TMEM132D: variants seen among roughly 807,000 people sequenced by gnomAD.
TMEM132D encodes mature OL transmembrane protein.
In TMEM132D, 21 loss-of-function variants were observed where a neutral mutation model predicts 62.3. The observed-to-expected ratio is 0.34, with a 90% CI of 0.24 to 0.49. TMEM132D has a LOEUF of 0.49. Ranked by LOEUF, TMEM132D falls within the 20% of genes least tolerant of loss-of-function variation. The pLI is 0.99. For synonymous variants in TMEM132D, 621 were observed against 575.6 expected (o/e 1.08, Z -1.13); for missense variants, 1,346 against 1,402.8 (o/e 0.96, Z 0.65).
intron 3 of TMEM132D, among the ~76,000 whole-genome samples, chr12:129,438,204 G>A (rs113783486): frequency 0.015 from 2,335 of 152,186 alleles, 62 homozygotes; most frequent in African/African-American, 0.052. Flanking sequence ...ATAAACATAC[G>A]TGTGCATGTG....
chr12:129,504,535 A>G (rs1436467296), intron 3 of TMEM132D, among the ~76,000 whole-genome samples: 3 of 152,058 alleles, frequency 2.0e-5, no homozygotes, highest in African/African-American at 4.8e-5. Context: ...AGTAGCCTTG[A>G]ATTATTTTTT....
At chr12:129,825,572 C>T (rs909238786) in intron 1 of TMEM132D, among the ~76,000 whole-genome samples, 2 of 152,210 alleles carry the variant, frequency 1.3e-5, no homozygotes, top group Non-Finnish European at 2.9e-5. Flanking sequence ...CACCTGCACT[C>T]TCCCAAGCCC....
chr12:129,498,693 C>T (rs1283411947), intron 3 of TMEM132D, among the ~76,000 whole-genome samples: 1 of 152,064 alleles, frequency 6.6e-6, no homozygotes, highest in African/African-American at 2.4e-5. Flanking sequence ...TGAAATATTC[C>T]GCTTGGTGTA....
intron 1 of TMEM132D, among the ~76,000 whole-genome samples, chr12:129,784,186 C>T (rs1871197011): frequency 6.6e-6 from 1 of 152,172 alleles, no homozygotes; most frequent in Non-Finnish European, 1.5e-5. Context: ...GGCCATCCCC[C>T]CGTGAGACCA....
intron 3 of TMEM132D, among the ~76,000 whole-genome samples, chr12:129,442,301 C>T (rs117808823): frequency 0.018 from 2,742 of 152,230 alleles, 41 homozygotes; most frequent in Non-Finnish European, 0.027. Flanking sequence ...ATGTGAGCAC[C>T]GTGCGGGCAA....
chr12:129,780,346 G>T (rs927014089), intron 1 of TMEM132D, among the ~76,000 whole-genome samples: 2 of 151,662 alleles, frequency 1.3e-5, no homozygotes, highest in Non-Finnish European at 2.9e-5. Context: ...GGGAGGGGGG[G>T]GGCCGGGGGG....
At chr12:129,884,270 C>T (rs1167026916) in intron 1 of TMEM132D, among the ~76,000 whole-genome samples, 1 of 152,126 alleles carries the variant, frequency 6.6e-6, no homozygotes, top group African/African-American at 2.4e-5. Context: ...AACTGGATGT[C>T]TTCTAAATAA....
intron 5 of TMEM132D, among the ~76,000 whole-genome samples, chr12:129,115,631 A>G (rs972604254): frequency 8.5e-5 from 13 of 152,224 alleles, no homozygotes; most frequent in African/African-American, 2.7e-4. Flanking sequence ...CAGAATAAAA[A>G]AGGACAGGGA....
At chr12:129,185,110 C>A (rs930344338) in intron 5 of TMEM132D, among the ~76,000 whole-genome samples, 1 of 152,182 alleles carries the variant, frequency 6.6e-6, no homozygotes, top group Non-Finnish European at 1.5e-5. Context: ...CTGAATTAAA[C>A]TTGCTGCTGA....
At chr12:129,603,207 T>C (rs916826503) in intron 2 of TMEM132D, among the ~76,000 whole-genome samples, 7 of 152,226 alleles carry the variant, frequency 4.6e-5, no homozygotes, top group Non-Finnish European at 8.8e-5. Flanking sequence ...TTACACATTT[T>C]ATGGGTTTGA....
intron 5 of TMEM132D, among the ~76,000 whole-genome samples, chr12:129,202,065 C>A (rs1376530766): frequency 6.6e-6 from 1 of 152,022 alleles, no homozygotes. Context: ...GAGAGCATGG[C>A]TTGACGCAAT....
Position 129,155,617 on chromosome 12 carries a change from C to G in TMEM132D, c.1443+53903G>C, listed in dbSNP as rs1877217504. Among the ~76,000 whole-genome samples, 3 of 152,204 alleles carry G rather than the reference C, an allele frequency of 2.0e-5. No individual in the cohort carries two copies. The South Asian group carries it at 6.2e-4, about 32-fold the overall frequency. Reference sequence around the variant, plus strand: ...AAGCCCAATATTAAGGTGCTGTCATCTAGCAAGGGCCTTCATGCTGCATCT... The same window carrying G: ...AAGCCCAATATTAAGGTGCTGTCATGTAGCAAGGGCCTTCATGCTGCATCT... On this transcript the variant is annotated intron_variant, in intron 5 of 8. Transcript: ENST00000422113.
intron 4 of TMEM132D, among the ~76,000 whole-genome samples, chr12:129,335,472 C>A (rs978299350): frequency 5.3e-5 from 8 of 152,102 alleles, no homozygotes; most frequent in Non-Finnish European, 1.2e-4. Context: ...ATCCTTACAA[C>A]TTTATAAGTA....
At chr12:129,578,476 G>A (rs1278747014) in intron 2 of TMEM132D, among the ~76,000 whole-genome samples, 3 of 148,208 alleles carry the variant, frequency 2.0e-5, no homozygotes, top group Admixed American at 1.4e-4. Context: ...TATATATAGG[G>A]GATAATAAAA....
rs1402411991 is a variant in TMEM132D, at chr12:129,093,500, G to A, written c.1444-8798C>T. On this transcript the variant is annotated intron_variant, in intron 5 of 8. Coordinates refer to ENST00000422113, the MANE Select transcript of TMEM132D (RefSeq NM_133448.3). Reference sequence around the variant, plus strand: ...AAGGGATGTGAAGGATCTCTTCAAGGAGAACTACAAACCACTGCTCAATGA... The same window carrying A: ...AAGGGATGTGAAGGATCTCTTCAAGAAGAACTACAAACCACTGCTCAATGA... Among the ~76,000 whole-genome samples, 10 of 152,088 alleles carry A rather than the reference G, an allele frequency of 6.6e-5. No homozygotes were observed. The East Asian group carries it at 1.2e-3, about 18-fold the overall frequency.
chr12:129,839,081 G>A (rs1032778139), intron 1 of TMEM132D, among the ~76,000 whole-genome samples: 1 of 127,930 alleles, frequency 7.8e-6, no homozygotes, highest in African/African-American at 2.9e-5. Context: ...TTCCCAATTA[G>A]CTGGGATTAC....
chr12:129,719,083 GAAAAA>G (rs59987335), intron 1 of TMEM132D, among the ~76,000 whole-genome samples: 4 of 99,168 alleles, frequency 4.0e-5, no homozygotes, highest in African/African-American at 1.4e-4. Flanking sequence ...CAAAAAAAAT[GAAAAA>G]AAAAAAAAAA....
intron 1 of TMEM132D, among the ~76,000 whole-genome samples, chr12:129,842,412 T>A (rs1247539438): frequency 6.6e-6 from 1 of 152,124 alleles, no homozygotes; most frequent in African/African-American, 2.4e-5. Context: ...CTCTTTCCGA[T>A]GTCTTGCCAA....
At position 129,525,246 on chromosome 12, in the gene TMEM132D, T is replaced by G. The variant is rs1875993454; in HGVS notation, c.1115+5813A>C. ...AGCCGGTTTTTTTTTTTTTTTTTTTTTTTTTTTTTGCTAATATAATTAATA... is the reference window on the plus strand; with the variant it reads ...AGCCGGTTTTTTTTTTTTTTTTTTTGTTTTTTTTTGCTAATATAATTAATA... On this transcript the variant is annotated intron_variant, in intron 3 of 8. Coordinates refer to ENST00000422113, the MANE Select transcript of TMEM132D (RefSeq NM_133448.3). Among the ~76,000 whole-genome samples, 5 of 141,102 alleles carry G rather than the reference T, an allele frequency of 3.5e-5. No individual in the cohort carries two copies. The South Asian group carries it at 1.2e-3, about 33-fold the overall frequency. The allele number at this position is 141,102 out of a possible 152,430, so 92.6% of individuals were successfully genotyped here.
Sources: gnomAD v4.1 joint callset for allele counts (sites outside exome capture counted in the v4.1 genomes callset) on GRCh38, gnomAD v4.1.1 for gene constraint, MANE v1.5 for transcripts, NCBI Gene and HGNC (gene_info 2026-07-23, HGNC 2026-07-21) for gene names.